The following TRDMT1 variants were observed in gnomAD, a reference collection of about 807,000 sequenced individuals.
TRDMT1 encodes the protein tRNA (cytosine(38)-C(5))-methyltransferase.
TRDMT1 carries 49 observed loss-of-function variants against 51.2 expected under a neutral mutation model. The ratio of observed to expected loss-of-function variants is 0.96; its 90% confidence interval spans 0.76 to 1.21. The LOEUF (loss-of-function observed/expected upper bound fraction) is 1.21, where lower values mean the gene tolerates loss of function less well. TRDMT1 is among the 50% of genes most tolerant of loss of function. TRDMT1 has a pLI of 0.00. For synonymous variants in TRDMT1, 187 were observed against 164.6 expected (o/e 1.14, Z -1.04); for missense variants, 534 against 462.3 (o/e 1.16, Z -1.42).
At position 17,164,098 on chromosome 10, in the gene TRDMT1, A is replaced by G. The variant is rs1007503693; in HGVS notation, c.252-1861T>C. ...AATTTTAGACCAATATCCCTGATGA[A>G]CATCGATGCAAAAATCCACAATAAA... On this transcript the variant is annotated intron_variant, in intron 3 of 10. Transcript: ENST00000377799. Among the ~76,000 whole-genome samples, 4 of 152,180 alleles carry G rather than the reference A, an allele frequency of 2.6e-5. 1 individual carries two copies. The highest frequency in any genetic ancestry group is 2.4e-5 in the African/African-American group (1 of 41,430).
chr10:17,182,698 G>T (rs550296288), intron 1 of TRDMT1, among the ~76,000 whole-genome samples: 43 of 152,254 alleles, frequency 2.8e-4, no homozygotes, highest in African/African-American at 1.0e-3. Context: ...AACAAATACA[G>T]AGAGAGAGCT....
chr10:17,197,888 G>T (rs1483372936), intron 1 of TRDMT1, among the ~76,000 whole-genome samples: 2 of 152,068 alleles, frequency 1.3e-5, no homozygotes, highest in Non-Finnish European at 2.9e-5. Flanking sequence ...CAAAAAATTA[G>T]CCAGGCATGG....
At chr10:17,199,431 A>G (rs752040418) in intron 1 of TRDMT1, among the ~76,000 whole-genome samples, 5 of 152,230 alleles carry the variant, frequency 3.3e-5, no homozygotes, top group Admixed American at 6.5e-5. Flanking sequence ...CAGCAAAAGC[A>G]AAGGCCAGAA....
At chr10:17,188,071 G>C (rs1844179951) in intron 1 of TRDMT1, among the ~76,000 whole-genome samples, 1 of 139,250 alleles carries the variant, frequency 7.2e-6, no homozygotes, top group Admixed American at 7.3e-5. Context: ...TTTTACATTA[G>C]TAAAACAAAC....
chr10:17,152,006 G>A (rs945030581), intron 10 of TRDMT1: 7 of 1,296,838 alleles, frequency 5.4e-6, no homozygotes, highest in Non-Finnish European at 7.1e-6. Flanking sequence ...ACTGCCCTTT[G>A]AAAACAAAAA....
At position 17,146,315 on chromosome 10, in the gene TRDMT1, C is replaced by T. The variant is rs1401605579; in HGVS notation, c.*2725G>A. 4.1e-6 allele frequency: 4 copies of T among 985,292 alleles called. No individual in the cohort carries two copies. In the African/African-American group the frequency reaches 5.2e-5, roughly 13 times the overall value. The allele number at this position is 985,292 out of a possible 1,614,324, so 61.0% of individuals were successfully genotyped here. A position where few individuals can be genotyped will look rare whatever the true frequency, so the allele number is the denominator to read the frequency against. ...TTTTCTCATCTTTCCAGACATAGGG[C>T]AGTGCCCATGGTGAAGGTCTGATTT... On this transcript the variant is annotated 3_prime_UTR_variant, in exon 11 of 11. Coordinates refer to ENST00000377799, the MANE Select transcript of TRDMT1 (RefSeq NM_004412.7).
intron 1 of TRDMT1, among the ~76,000 whole-genome samples, chr10:17,176,625 T>C (rs1167100285): frequency 2.0e-5 from 3 of 152,174 alleles, no homozygotes; most frequent in African/African-American, 7.2e-5. Flanking sequence ...GTTATTTCTA[T>C]TAAGAGAAAT....
chr10:17,171,319 A>G (rs1841974027), intron 2 of TRDMT1, among the ~76,000 whole-genome samples: 1 of 152,140 alleles, frequency 6.6e-6, no homozygotes. Flanking sequence ...ACACCTGAAG[A>G]GTGTGCCATT....
At position 17,147,372 on chromosome 10, in the gene TRDMT1, G is replaced by C. The variant is rs1838211043; in HGVS notation, c.*1668C>G. 4.1e-6 allele frequency: 4 copies of C among 982,382 alleles called. No homozygotes were observed. The highest frequency in any genetic ancestry group is 4.8e-6 in the Non-Finnish European group (4 of 827,316). The allele number at this position is 982,382 out of a possible 1,614,324, so 60.9% of individuals were successfully genotyped here. A position where few individuals can be genotyped will look rare whatever the true frequency, so the allele number is the denominator to read the frequency against. On this transcript the variant is annotated 3_prime_UTR_variant, in exon 11 of 11. Transcript: ENST00000377799. ...TGAGTTCTGAAAAATTGGTAATAGA[G>C]TATGATTTTTTCAATTGCAGTAAAA...
Position 17,142,669 on chromosome 10 carries a change from G to A in TRDMT1, c.*6371C>T, listed in dbSNP as rs887846705. On this transcript the variant is annotated 3_prime_UTR_variant, in exon 11 of 11. Coordinates refer to ENST00000377799, the MANE Select transcript of TRDMT1 (RefSeq NM_004412.7). ...CAGACTCATCTGGTATTACCGACCAGACTTCAGTTCCCTCTTCTGTAGGAA... is the reference window on the plus strand; with the variant it reads ...CAGACTCATCTGGTATTACCGACCAAACTTCAGTTCCCTCTTCTGTAGGAA... The A allele has an allele frequency of 1.3e-5, 2 of 152,252 alleles. No individual in the cohort carries two copies. The highest frequency in any genetic ancestry group is 4.8e-5 in the African/African-American group (2 of 41,436). The allele number at this position is 152,252 out of a possible 1,614,324, so 9.4% of individuals were successfully genotyped here. A position where few individuals can be genotyped will look rare whatever the true frequency, so the allele number is the denominator to read the frequency against.
At position 17,157,515 on chromosome 10, in the gene TRDMT1, C is replaced by T; in HGVS notation, c.813G>A (p.Lys271=). 6.2e-7 allele frequency: 1 copy of T among 1,614,010 alleles called. No individual in the cohort carries two copies. The highest frequency in any genetic ancestry group is 8.5e-7 in the Non-Finnish European group (1 of 1,179,918). Residue 271 remains lysine, a synonymous_variant, in exon 8 of 11, where the codon AAG becomes AAA. Transcript: ENST00000377799. The part of the protein sequence containing the change: ...TDVNQYLLPP[K]SLLRYALLLD... The stretch of plus-strand genomic sequence containing the variant: ...ACAGAAGAGCATATCGCAGCAATGA[C>T]TTTGGTGGTAAAAGATACTGGTTCA...
chr10:17,197,906 G>A (rs1403153031), intron 1 of TRDMT1, among the ~76,000 whole-genome samples: 1 of 151,924 alleles, frequency 6.6e-6, no homozygotes, highest in Non-Finnish European at 1.5e-5. Flanking sequence ...TGGTGGCAGG[G>A]ACTTGTAATC....
Position 17,146,131 on chromosome 10 carries a change from C to T in TRDMT1, c.*2909G>A. ...AAGCCTCTCTACTAAATAACTTTACCTCTTTGAAAAGTTGGATAATTTCAA... is the reference window on the plus strand; with the variant it reads ...AAGCCTCTCTACTAAATAACTTTACTTCTTTGAAAAGTTGGATAATTTCAA... On this transcript the variant is annotated 3_prime_UTR_variant, in exon 11 of 11. Coordinates refer to ENST00000377799, the MANE Select transcript of TRDMT1 (RefSeq NM_004412.7). 2.0e-6 allele frequency: 2 copies of T among 985,420 alleles called. No homozygotes were observed. Among genetic ancestry groups the T allele is most frequent in the Middle Eastern group, 5.2e-4 (1 of 1,914 alleles). The allele number at this position is 985,420 out of a possible 1,614,324, so 61.0% of individuals were successfully genotyped here.
chr10:17,177,590 A>C (rs905909351), intron 1 of TRDMT1, among the ~76,000 whole-genome samples: 1 of 152,160 alleles, frequency 6.6e-6, no homozygotes, highest in Non-Finnish European at 1.5e-5. Flanking sequence ...TTATATGAGG[A>C]CTAAATTTAA....
At chr10:17,169,420 A>G in intron 2 of TRDMT1, 1 of 1,288,244 alleles carries the variant, frequency 7.8e-7, no homozygotes, top group South Asian at 1.2e-5. Context: ...ATTCTCAGAT[A>G]TCCACAATTA....
intron 1 of TRDMT1, among the ~76,000 whole-genome samples, chr10:17,193,251 T>C (rs1050757515): frequency 6.6e-6 from 1 of 152,106 alleles, no homozygotes; most frequent in African/African-American, 2.4e-5. Context: ...TAGTCCCAGC[T>C]ACCCAGGAGG....
chr10:17,160,189 G>C (rs932932535), intron 6 of TRDMT1, 116 bp downstream of exon 6: 1 of 581,622 alleles, frequency 1.7e-6, no homozygotes, highest in African/African-American at 2.0e-5. Flanking sequence ...ACTATTTTCA[G>C]TTTACCTATA....
At chr10:17,181,081 A>T (rs1016416837) in intron 1 of TRDMT1, among the ~76,000 whole-genome samples, 1 of 113,484 alleles carries the variant, frequency 8.8e-6, no homozygotes, top group African/African-American at 3.1e-5. Context: ...AAATTTATTC[A>T]CTGTGGCAAT....
chr10:17,150,320 G>T (rs1838519635), intron 10 of TRDMT1: 1 of 928,460 alleles, frequency 1.1e-6, no homozygotes, highest in Non-Finnish European at 1.3e-6. Flanking sequence ...TTTAAAATTG[G>T]ATTTCTCTTT....
Sources: gnomAD v4.1 joint callset for allele counts (sites outside exome capture counted in the v4.1 genomes callset) on GRCh38, gnomAD v4.1.1 for gene constraint, MANE v1.5 for transcripts, NCBI Gene and HGNC (gene_info 2026-07-23, HGNC 2026-07-21) for gene names.